PRDM15: variants seen among roughly 807,000 people sequenced by gnomAD.
PRDM15 encodes PR/SET domain 15.
A neutral mutation model predicts 128.6 loss-of-function variants in PRDM15; 64 were observed. That is an observed-to-expected ratio of 0.50 (90% confidence interval 0.41 to 0.61). The LOEUF is 0.61. PRDM15 is among the 20% of genes least tolerant of loss of function. The pLI, the probability that PRDM15 is intolerant of heterozygous loss-of-function variation, is 0.00. For missense variants in PRDM15, 1,242 were observed against 1,569.1 expected (o/e 0.79, Z 3.52); for synonymous variants, 615 against 621.8 (o/e 0.99, Z 0.16).
chr21:41,861,450 TA>T, intron 1 of PRDM15: 1 of 933,858 alleles, frequency 1.1e-6, no homozygotes, highest in Non-Finnish European at 1.6e-6. Flanking sequence ...AAAATGGAAA[TA>T]AAAACACCCA....
At chr21:41,847,424 G>A (rs2063300864) in intron 5 of PRDM15, among the ~76,000 whole-genome samples, 3 of 152,182 alleles carry the variant, frequency 2.0e-5, no homozygotes, top group Admixed American at 1.3e-4. Context: ...ACTGAGCACA[G>A]AGACACGCCT....
At chr21:41,825,565 C>T (rs2062439976) in intron 13 of PRDM15, among the ~76,000 whole-genome samples, 2 of 151,970 alleles carry the variant, frequency 1.3e-5, no homozygotes, top group African/African-American at 4.8e-5. Flanking sequence ...CGGAGGAGAC[C>T]GGCACTGACA....
chr21:41,847,222 A>AC (rs1166709719), intron 5 of PRDM15, 31 bp from the exon 6 acceptor site: 4 of 1,466,372 alleles, frequency 2.7e-6, no homozygotes. Flanking sequence ...GAAAAAGGTG[A>AC]CCCCCAAGCA....
chr21:41,810,687 G>C lies in PRDM15; in HGVS notation c.2476+66C>G, dbSNP rs73373495. On this transcript the variant is annotated intron_variant, in intron 20 of 23. Transcript: ENST00000398548. The surrounding 1 kb of genome is among the most constrained non-coding windows in gnomAD (Gnocchi z 6.4). ...AGAATAGTCGTTTCCACCCCAGCAGGCACTCAGACAGCCCCGGCAGCCTGC... is the reference window on the plus strand; with the variant it reads ...AGAATAGTCGTTTCCACCCCAGCAGCCACTCAGACAGCCCCGGCAGCCTGC... 10,632 of 1,230,438 alleles carry C rather than the reference G, an allele frequency of 8.6e-3. 648 individuals carry two copies. In the African/African-American group the frequency reaches 0.13, roughly 16 times the overall value. 76.2% of individuals were successfully genotyped at this position (1,230,438 alleles called of 1,614,324 possible).
At position 41,821,869 on chromosome 21, in the gene PRDM15, A is replaced by G; in HGVS notation, c.1896+34T>C. The stretch of plus-strand genomic sequence containing the variant: ...TTGAAACGACCACCTTCCTCTCCAG[A>G]CCACCCAGGCACCGCGGGGCAAACC... On this transcript the variant is annotated intron_variant, in intron 15 of 23. Coordinates refer to ENST00000398548, the MANE Select transcript of PRDM15 (RefSeq NM_001040424.3). This position sits in a 1 kb window ranked among gnomAD's most constrained non-coding sequence, Gnocchi z 5.4. The G allele has an allele frequency of 3.7e-6, 6 of 1,611,348 alleles. No individual in the cohort carries two copies. The highest frequency in any genetic ancestry group is 5.1e-6 in the Non-Finnish European group (6 of 1,179,712).
chr21:41,873,631 A>G (rs1426708444), intron 1 of PRDM15, among the ~76,000 whole-genome samples: 3 of 151,960 alleles, frequency 2.0e-5, no homozygotes, highest in African/African-American at 7.3e-5. Flanking sequence ...ACTGTTTATG[A>G]TTTCTTCTCC....
chr21:41,862,246 C>T lies in PRDM15; in HGVS notation c.-9-1874G>A, dbSNP rs532604789. On this transcript the variant is annotated intron_variant, in intron 1 of 23. Transcript: ENST00000398548. This position sits in a 1 kb window ranked among gnomAD's most constrained non-coding sequence, Gnocchi z 4.1. ...GATGGGAACGATAGGCCTTAAGAGG[C>T]GCCCCACACTGCGGTCAGATCACCG... Among the ~76,000 whole-genome samples the T allele has an allele frequency of 6.6e-6, 1 of 152,284 alleles. No individual in the cohort carries two copies. Among genetic ancestry groups the T allele is most frequent in the East Asian group, 1.9e-4 (1 of 5,174 alleles).
chr21:41,838,298 T>C (rs377389791), intron 7 of PRDM15, among the ~76,000 whole-genome samples: 92 of 152,346 alleles, frequency 6.0e-4, no homozygotes, highest in African/African-American at 2.2e-3. Flanking sequence ...TTATAATTTG[T>C]TATTCTTTTT....
intron 11 of PRDM15, chr21:41,834,490 G>A: frequency 6.5e-7 from 1 of 1,549,210 alleles, no homozygotes; most frequent in South Asian, 1.2e-5. Flanking sequence ...GACGGGGTGG[G>A]CGTCGAAGGC....
rs66937227 is a variant in PRDM15, at chr21:41,816,894, TAA to T, written c.2261-1060_2261-1059del. On this transcript the variant is annotated intron_variant, in intron 18 of 23. Coordinates refer to ENST00000398548, the MANE Select transcript of PRDM15 (RefSeq NM_001040424.3). ...AAAAGTTACTGTCAATCCTTTTGAT[TAA>T]AAAAAAAAAAAAGAGTGCCGGTCAC... Among the ~76,000 whole-genome samples, 987 of 148,778 alleles carry T rather than the reference TAA, an allele frequency of 6.6e-3. 3 individuals carry two copies. Among genetic ancestry groups the T allele is most frequent in the Non-Finnish European group, 8.0e-3 (536 of 66,952 alleles).
Position 41,810,277 on chromosome 21 carries a change from G to A in PRDM15, c.2529C>T (p.Tyr843=). 6.2e-7 allele frequency: 1 copy of A among 1,613,574 alleles called. No individual in the cohort carries two copies. Among genetic ancestry groups the A allele is most frequent in the Non-Finnish European group, 8.5e-7 (1 of 1,179,960 alleles). ...TGAGCTGAACGTGCTTCTGCAGCAT[G>A]TACTCGGTCACGTACTTCTTGTCGC... ...SVCDKKYVTE[Y]MLQKHVQLTH... Residue 843 remains tyrosine (Y), a synonymous_variant, in exon 21 of 24, where the codon TAC becomes TAT. Coordinates refer to ENST00000398548, the MANE Select transcript of PRDM15 (RefSeq NM_001040424.3). The surrounding 1 kb of genome is among the most constrained non-coding windows in gnomAD (Gnocchi z 6.4).
At chr21:41,874,070 GA>G (rs34938588) in intron 1 of PRDM15, among the ~76,000 whole-genome samples, 25,917 of 107,596 alleles carry the variant, frequency 0.24, 3,507 homozygotes, top group African/African-American at 0.46. Context: ...TCTGTCTCGG[GA>G]AAAAAAAAAA....
At chr21:41,803,517 C>T (rs1403177569) in intron 22 of PRDM15, among the ~76,000 whole-genome samples, 2 of 152,190 alleles carry the variant, frequency 1.3e-5, no homozygotes, top group Non-Finnish European at 2.9e-5. Flanking sequence ...ACAGAGGCCG[C>T]GGGGCAGTGG....
chr21:41,863,523 A>G (rs1350534833), intron 1 of PRDM15, among the ~76,000 whole-genome samples: 1 of 152,108 alleles, frequency 6.6e-6, no homozygotes, highest in Non-Finnish European at 1.5e-5. Flanking sequence ...CAGTAATAAT[A>G]TCAGGAAACC....
intron 1 of PRDM15, among the ~76,000 whole-genome samples, chr21:41,878,363 A>C (rs1407549983): frequency 3.3e-5 from 5 of 152,240 alleles, no homozygotes; most frequent in Admixed American, 3.3e-4. Context: ...GGGGGAAAAA[A>C]CCATCCACTA....
At position 41,872,483 on chromosome 21, in the gene PRDM15, T is replaced by C. The variant is rs1284886258; in HGVS notation, c.-10+6787A>G. On this transcript the variant is annotated intron_variant, in intron 1 of 23. Transcript: ENST00000398548. Reference sequence around the variant, plus strand: ...AAAAGAAATAATGAACTTAAACAACTTCATTATCAATAACTTTAATTGATT... The same window carrying C: ...AAAAGAAATAATGAACTTAAACAACCTCATTATCAATAACTTTAATTGATT... Among the ~76,000 whole-genome samples, 3 of 152,212 alleles carry C rather than the reference T, an allele frequency of 2.0e-5. No homozygotes were observed. In the East Asian group the frequency reaches 5.8e-4, roughly 29 times the overall value.
At chr21:41,835,162 A>C (rs6586302) in intron 11 of PRDM15, among the ~76,000 whole-genome samples, 87,975 of 151,918 alleles carry the variant, frequency 0.58, 25,837 homozygotes, top group Admixed American at 0.66. Flanking sequence ...GCCAGAACGG[A>C]CCCCGGCTTT....
Position 41,826,065 on chromosome 21 carries a change from C to A in PRDM15, c.1535-11G>T, listed in dbSNP as rs1252757263. On this transcript the variant is annotated splice_polypyrimidine_tract_variant and intron_variant, in intron 12 of 23. Coordinates refer to ENST00000398548, the MANE Select transcript of PRDM15 (RefSeq NM_001040424.3). Reference sequence around the variant, plus strand: ...TCACTCGCCGCACTCCTGAAATTGCCAACCCCACCAGCAAGACAGTGAATA... The same window carrying A: ...TCACTCGCCGCACTCCTGAAATTGCAAACCCCACCAGCAAGACAGTGAATA... 1.1e-5 allele frequency: 17 copies of A among 1,609,040 alleles called. No homozygotes were observed. The highest frequency in any genetic ancestry group is 1.4e-5 in the Non-Finnish European group (16 of 1,175,506).
intron 21 of PRDM15, among the ~76,000 whole-genome samples, chr21:41,808,675 G>A (rs2061758196): frequency 6.6e-6 from 1 of 152,194 alleles, no homozygotes; most frequent in Non-Finnish European, 1.5e-5. Flanking sequence ...TTATATAAGT[G>A]AGTATTATAT....
Sources: gnomAD v4.1 joint callset for allele counts (sites outside exome capture counted in the v4.1 genomes callset) on GRCh38, gnomAD v4.1.1 for gene constraint, Gnocchi (gnomAD v3.1) non-coding constraint, MANE v1.5 for transcripts, NCBI Gene and HGNC (gene_info 2026-07-23, HGNC 2026-07-21) for gene names.